Variants in ENTHD1 observed in about 807,000 individuals in gnomAD.
ENTHD1 encodes ENTH domain-containing protein 1.
In ENTHD1, 23 loss-of-function variants were observed where a neutral mutation model predicts 39.1. That is an observed-to-expected ratio of 0.59 (90% CI 0.42 to 0.83). ENTHD1 has a LOEUF of 0.83. ENTHD1 is among the 40% of genes least tolerant of loss of function. ENTHD1 has a pLI of 0.00. For missense variants in ENTHD1, 624 were observed against 705.4 expected (o/e 0.88, Z 1.31); for synonymous variants, 230 against 258.2 (o/e 0.89, Z 1.05).
intron 3 of ENTHD1, among the ~76,000 whole-genome samples, chr22:39,844,679 T>C (rs2065972686): frequency 6.6e-6 from 1 of 152,100 alleles, no homozygotes; most frequent in Non-Finnish European, 1.5e-5. Flanking sequence ...ATCTAGGACA[T>C]CCCTTCTCCC....
intron 3 of ENTHD1, among the ~76,000 whole-genome samples, chr22:39,852,547 C>T (rs1878590533): frequency 6.6e-6 from 1 of 152,216 alleles, no homozygotes; most frequent in Admixed American, 6.5e-5. Context: ...GTTGTACAAA[C>T]ATCATAGAGT....
At chr22:39,770,682 T>C (rs1465101941) in intron 5 of ENTHD1, among the ~76,000 whole-genome samples, 1 of 152,186 alleles carries the variant, frequency 6.6e-6, no homozygotes, top group Non-Finnish European at 1.5e-5. Flanking sequence ...AATTGTAGCT[T>C]CCCAATAAGT....
intron 2 of ENTHD1, among the ~76,000 whole-genome samples, chr22:39,883,907 A>G (rs2066360529): frequency 6.6e-6 from 1 of 151,872 alleles, no homozygotes; most frequent in African/African-American, 2.4e-5. Context: ...TTCAAAAAGA[A>G]TAAAATGCTT....
chr22:39,743,582 C>A lies in ENTHD1; in HGVS notation c.*97G>T. ...CTGACAAGGAAAAATTAAACCATCC[C>A]CTTTTTTGCCATAATAATATGAATT... On this transcript the variant is annotated 3_prime_UTR_variant, in exon 7 of 7. Coordinates refer to ENST00000325157, the MANE Select transcript of ENTHD1 (RefSeq NM_152512.4). 1 of 1,349,678 alleles carries A rather than the reference C, an allele frequency of 7.4e-7. No homozygotes were observed. The highest frequency in any genetic ancestry group is 9.7e-7 in the Non-Finnish European group (1 of 1,027,828). The allele number at this position is 1,349,678 out of a possible 1,614,324, so 83.6% of individuals were successfully genotyped here.
At chr22:39,768,040 T>A (rs1485948318) in intron 5 of ENTHD1, among the ~76,000 whole-genome samples, 2 of 152,128 alleles carry the variant, frequency 1.3e-5, no homozygotes, top group Admixed American at 1.3e-4. Flanking sequence ...TGATTTGAAA[T>A]GGATAGTACA....
intron 5 of ENTHD1, among the ~76,000 whole-genome samples, chr22:39,774,874 CA>C (rs1239393029): frequency 6.6e-6 from 1 of 152,110 alleles, no homozygotes; most frequent in Non-Finnish European, 1.5e-5. Flanking sequence ...TTTCAGCTTC[CA>C]GATTCACGTC....
At chr22:39,779,336 G>C (rs566359290) in intron 5 of ENTHD1, among the ~76,000 whole-genome samples, 2 of 152,068 alleles carry the variant, frequency 1.3e-5, no homozygotes, top group East Asian at 3.9e-4. Context: ...GCAAGACTCT[G>C]TCTCAAAAAT....
intron 6 of ENTHD1, among the ~76,000 whole-genome samples, chr22:39,762,369 A>G (rs143282321): frequency 6.6e-5 from 10 of 152,138 alleles, no homozygotes; most frequent in African/African-American, 2.4e-4. Flanking sequence ...TACCCTCAGA[A>G]TCTTAATTTC....
intron 3 of ENTHD1, among the ~76,000 whole-genome samples, chr22:39,847,525 T>C (rs951568810): frequency 3.0e-4 from 45 of 149,438 alleles, no homozygotes; most frequent in African/African-American, 1.1e-3. Flanking sequence ...ATAATAATAA[T>C]AAATAAAAAT....
At chr22:39,748,154 TG>T (rs936891644) in intron 6 of ENTHD1, among the ~76,000 whole-genome samples, 2 of 149,300 alleles carry the variant, frequency 1.3e-5, no homozygotes, top group African/African-American at 5.0e-5. Context: ...GAGACTAAAG[TG>T]GGAGGACCAC....
intron 4 of ENTHD1, among the ~76,000 whole-genome samples, chr22:39,822,792 C>T (rs1411221452): frequency 6.6e-6 from 1 of 152,182 alleles, no homozygotes; most frequent in Non-Finnish European, 1.5e-5. Flanking sequence ...TCATTAGAAA[C>T]TGCCAAACCA....
intron 6 of ENTHD1, chr22:39,750,829 C>T (rs1337790050): frequency 6.4e-6 from 1 of 157,220 alleles, no homozygotes; most frequent in African/African-American, 2.4e-5. Flanking sequence ...TTTCTTCTCT[C>T]TAGCTTCCAT....
At chr22:39,809,230 C>T (rs1472839710) in intron 5 of ENTHD1, among the ~76,000 whole-genome samples, 1 of 152,130 alleles carries the variant, frequency 6.6e-6, no homozygotes, top group Non-Finnish European at 1.5e-5. Flanking sequence ...AGAACACAGG[C>T]CAAAGTCAGT....
chr22:39,890,685 C>G (rs1301144884), intron 1 of ENTHD1, among the ~76,000 whole-genome samples: 1 of 152,078 alleles, frequency 6.6e-6, no homozygotes, highest in Non-Finnish European at 1.5e-5. Flanking sequence ...AAAATAATAG[C>G]CTTCTAATCC....
chr22:39,777,004 T>C (rs1316941652), intron 5 of ENTHD1, among the ~76,000 whole-genome samples: 2 of 152,204 alleles, frequency 1.3e-5, no homozygotes, highest in Non-Finnish European at 2.9e-5. Context: ...CTTGTTCTGA[T>C]ACATAGTATC....
intron 5 of ENTHD1, among the ~76,000 whole-genome samples, chr22:39,789,366 C>T (rs2065485872): frequency 6.6e-6 from 1 of 152,016 alleles, no homozygotes; most frequent in Admixed American, 6.5e-5. Context: ...TTTTTTCTTC[C>T]TTAACTCCTC....
intron 2 of ENTHD1, among the ~76,000 whole-genome samples, chr22:39,887,115 A>G (rs1467742197): frequency 6.6e-6 from 1 of 152,210 alleles, no homozygotes; most frequent in Non-Finnish European, 1.5e-5. Context: ...AAAGACAGCT[A>G]GTACATTTAA....
intron 5 of ENTHD1, among the ~76,000 whole-genome samples, chr22:39,793,139 G>GCTTTT (rs2065518425): frequency 6.6e-6 from 1 of 152,028 alleles, no homozygotes; most frequent in African/African-American, 2.4e-5. Context: ...ACTAGGGTGA[G>GCTTTT]ATGATTTCTC....
intron 3 of ENTHD1, among the ~76,000 whole-genome samples, chr22:39,852,492 C>A (rs1433752024): frequency 6.6e-6 from 1 of 152,216 alleles, no homozygotes; most frequent in Non-Finnish European, 1.5e-5. Flanking sequence ...CATACCCTAA[C>A]AACAGGGATG....
Sources: gnomAD v4.1 joint callset for allele counts (sites outside exome capture counted in the v4.1 genomes callset) on GRCh38, gnomAD v4.1.1 for gene constraint, MANE v1.5 for transcripts, NCBI Gene and HGNC (gene_info 2026-07-23, HGNC 2026-07-21) for gene names.